The following WDFY2 variants were observed in gnomAD, a reference collection of about 807,000 sequenced individuals.
WDFY2 encodes the protein WD repeat and FYVE domain containing 2.
Under a neutral mutation model 56.4 loss-of-function variants are expected in WDFY2, and 36 were observed. The observed-to-expected ratio is 0.64, with a 90% confidence interval of 0.49 to 0.84. The LOEUF (loss-of-function observed/expected upper bound fraction) is 0.84, where lower values mean the gene tolerates loss of function less well. WDFY2 is among the 40% of genes least tolerant of loss of function. WDFY2 has a pLI of 0.00. For synonymous variants in WDFY2, 176 were observed against 183.7 expected (o/e 0.96, Z 0.34); for missense variants, 444 against 512.2 (o/e 0.87, Z 1.29).
intron 1 of WDFY2, among the ~76,000 whole-genome samples, chr13:51,646,969 A>C (rs1593927670): frequency 6.6e-6 from 1 of 152,230 alleles, no homozygotes; most frequent in Non-Finnish European, 1.5e-5. Context: ...TTGTATCTGC[A>C]CTGAATGCGT....
At chr13:51,659,827 G>A (rs544900413) in intron 1 of WDFY2, among the ~76,000 whole-genome samples, 1 of 152,286 alleles carries the variant, frequency 6.6e-6, no homozygotes, top group East Asian at 1.9e-4. Context: ...TGAGACAATG[G>A]CTTGGCTTAC....
At chr13:51,646,608 A>G (rs191783818) in intron 1 of WDFY2, among the ~76,000 whole-genome samples, 15 of 152,280 alleles carry the variant, frequency 9.9e-5, no homozygotes, top group Non-Finnish European at 2.2e-4. Flanking sequence ...TAGGTGTTTG[A>G]TAAATGTGTG....
At chr13:51,585,839 C>T (rs1953926874) in intron 1 of WDFY2, among the ~76,000 whole-genome samples, 2 of 152,150 alleles carry the variant, frequency 1.3e-5, no homozygotes, top group South Asian at 4.1e-4. Context: ...GGCTGAGCAA[C>T]AAAGTGCTCA....
At chr13:51,600,259 A>C (rs1176073797) in intron 1 of WDFY2, among the ~76,000 whole-genome samples, 3 of 152,162 alleles carry the variant, frequency 2.0e-5, no homozygotes, top group Admixed American at 2.0e-4. Context: ...AATGATATAT[A>C]ATGATGGAGT....
At chr13:51,721,270 GT>G (rs751566709) in intron 5 of WDFY2, among the ~76,000 whole-genome samples, 1 of 151,904 alleles carries the variant, frequency 6.6e-6, no homozygotes, top group Non-Finnish European at 1.5e-5. Context: ...TTGGACTCCT[GT>G]TTTTTTCCCA....
chr13:51,608,759 T>C (rs1954432541), intron 1 of WDFY2, among the ~76,000 whole-genome samples: 1 of 152,238 alleles, frequency 6.6e-6, no homozygotes, highest in Admixed American at 6.5e-5. Flanking sequence ...ATATGCATAT[T>C]TTGTTCTTCA....
intron 4 of WDFY2, among the ~76,000 whole-genome samples, chr13:51,708,391 GTTGCTTCAATCCAGGGGT>G (rs1952134741): frequency 6.6e-6 from 1 of 151,634 alleles, no homozygotes. Context: ...AGGTGGGAGG[GTTGCTTCAATCCAGGGGT>G]TTGAAGTTAC....
intron 4 of WDFY2, among the ~76,000 whole-genome samples, chr13:51,706,713 G>A (rs1050344563): frequency 1.3e-5 from 2 of 152,158 alleles, no homozygotes; most frequent in South Asian, 2.1e-4. Context: ...AAGACCCCAC[G>A]GTTACTTGCT....
rs551064127 is a variant in WDFY2, at chr13:51,684,033, A to G, written c.279+8790A>G. ...TGCAGCTTCACCTCATTACAGATGG[A>G]GGAATAGCTCTTCTCTCAGTTACCA... On this transcript the variant is annotated intron_variant, in intron 3 of 11. Transcript: ENST00000298125. Among the ~76,000 whole-genome samples the G allele has an allele frequency of 2.0e-5, 3 of 152,296 alleles. No individual in the cohort carries two copies. The East Asian group carries it at 5.8e-4, about 29-fold the overall frequency.
intron 1 of WDFY2, chr13:51,589,549 T>G (rs1954005743): frequency 6.6e-6 from 1 of 152,226 alleles, no homozygotes; most frequent in Non-Finnish European, 1.5e-5. Context: ...ACCATTAGTT[T>G]GATAATTAGA....
chr13:51,654,672 T>G (rs1343074837), intron 1 of WDFY2, among the ~76,000 whole-genome samples: 2 of 152,220 alleles, frequency 1.3e-5, no homozygotes, highest in Non-Finnish European at 2.9e-5. Flanking sequence ...AAAATAACAA[T>G]TTTCAGAAAA....
At chr13:51,631,080 A>C (rs984692777) in intron 1 of WDFY2, among the ~76,000 whole-genome samples, 4 of 146,950 alleles carry the variant, frequency 2.7e-5, no homozygotes, top group African/African-American at 9.9e-5. Context: ...ATGCCCAGCA[A>C]GCTTTTCTGT....
Position 51,660,654 on chromosome 13 carries a change from G to GCAAT in WDFY2, c.197_200dup (p.Met67IlefsTer12). Reference sequence around the variant, plus strand: ...ACAGTATTGGCCAAGCGTATACCATGCAATGCCTTGTAAGTATCCAAATCG... The same window carrying GCAAT: ...ACAGTATTGGCCAAGCGTATACCATGCAATCAATGCCTTGTAAGTATCCAAATCG... On this transcript the variant is annotated frameshift_variant, in exon 2 of 12. Coordinates refer to ENST00000298125, the MANE Select transcript of WDFY2 (RefSeq NM_052950.4). LOFTEE classifies it high-confidence loss of function. The GCAAT allele has an allele frequency of 6.2e-7, 1 of 1,613,714 alleles. No homozygotes were observed. The highest frequency in any genetic ancestry group is 2.2e-5 in the East Asian group (1 of 44,856).
chr13:51,628,047 T>TGGCAG (rs1954870919), intron 1 of WDFY2, among the ~76,000 whole-genome samples: 1 of 152,220 alleles, frequency 6.6e-6, no homozygotes, highest in Non-Finnish European at 1.5e-5. Context: ...TAGCTGGAAC[T>TGGCAG]GGCAGACCTC....
intron 6 of WDFY2, among the ~76,000 whole-genome samples, chr13:51,735,999 T>C (rs923642049): frequency 1.3e-5 from 2 of 152,228 alleles, no homozygotes; most frequent in African/African-American, 2.4e-5. Flanking sequence ...TGGCCTGATA[T>C]AATGTGGCAA....
intron 1 of WDFY2, among the ~76,000 whole-genome samples, chr13:51,635,256 A>T (rs920997920): frequency 7.9e-5 from 12 of 151,998 alleles, no homozygotes; most frequent in Non-Finnish European, 1.0e-4. Context: ...GAAGTCCTAA[A>T]CCTTTTAAAT....
chr13:51,747,833 A>G (rs770834744), intron 7 of WDFY2, among the ~76,000 whole-genome samples: 2 of 152,044 alleles, frequency 1.3e-5, no homozygotes, highest in Non-Finnish European at 2.9e-5. Flanking sequence ...GCCTCACCAC[A>G]TTTCTCTTTT....
intron 3 of WDFY2, among the ~76,000 whole-genome samples, chr13:51,689,073 T>C (rs1956106338): frequency 6.6e-6 from 1 of 152,198 alleles, no homozygotes; most frequent in Admixed American, 6.5e-5. Flanking sequence ...TCCAAGAGCA[T>C]CTGTCCTTAA....
At chr13:51,678,203 A>G (rs1955919143) in intron 3 of WDFY2, among the ~76,000 whole-genome samples, 1 of 152,166 alleles carries the variant, frequency 6.6e-6, no homozygotes, top group Admixed American at 6.5e-5. Flanking sequence ...TGTATTGTGT[A>G]TTTAACTTTT....
Sources: allele counts gnomAD v4.1 joint callset (sites outside exome capture counted in the v4.1 genomes callset), GRCh38; gene constraint gnomAD v4.1.1; transcripts MANE v1.5; gene names NCBI Gene and HGNC (gene_info 2026-07-23, HGNC 2026-07-21).